Variants in CTR9 observed in about 807,000 individuals in gnomAD.
CTR9 encodes the protein CTR9 component of Paf1/RNA polymerase II complex.
CTR9 carries 41 observed loss-of-function variants against 152.1 expected under a neutral mutation model. That is an observed-to-expected ratio of 0.27 (90% CI 0.21 to 0.35). The LOEUF (loss-of-function observed/expected upper bound fraction) is 0.35. CTR9 is among the 10% of genes least tolerant of loss of function. CTR9 has a pLI of 1.00. For missense variants in CTR9, 917 were observed against 1,424.4 expected, an observed-to-expected ratio of 0.64 and a Z score of 5.73; for synonymous variants, 476 against 496.2, an observed-to-expected ratio of 0.96 and a Z score of 0.54.
intron 3 of CTR9, 107 bp from the exon 4 acceptor site, chr11:10,755,570 TA>T: frequency 3.1e-6 from 2 of 647,850 alleles, no homozygotes; most frequent in Non-Finnish European, 2.7e-6. Context: ...TTACATTTGA[TA>T]GGGGAATTTG....
chr11:10,768,531 A>T, intron 16 of CTR9, 40 bp downstream of exon 16: 1 of 1,559,798 alleles, frequency 6.4e-7, no homozygotes, highest in Non-Finnish European at 8.6e-7. Context: ...TATCTTGTTC[A>T]TTGTTAAGCA....
At chr11:10,774,308 T>A in intron 22 of CTR9, 139 bp downstream of exon 22, 1 of 1,035,358 alleles carries the variant, frequency 9.7e-7, no homozygotes, top group Non-Finnish European at 1.4e-6. Flanking sequence ...CTTCCTACTT[T>A]AATCCTAAGA....
Position 10,771,553 on chromosome 11 carries a change from G to C in CTR9, c.2381G>C (p.Ser794Thr). Residue 794 changes from serine (S) to threonine (T), a missense_variant, in exon 19 of 25, where the codon AGT becomes ACT. By Grantham distance (58) the Ser-to-Thr change is moderately conservative. This residue lies in a region of CTR9 where 106 missense variants were observed against 157.8 expected (regional missense o/e 0.67). Coordinates refer to ENST00000361367, the MANE Select transcript of CTR9 (RefSeq NM_014633.5). ...TTTCTCGTTTCATTTAGATACTTCA[G>C]TTATTTGAGTAAAGTGGGAGATAAA... ...KELELAHRYFSYLSKVGDKMR... is the reference protein window; with the variant it reads ...KELELAHRYFTYLSKVGDKMR... 6.2e-7 allele frequency: 1 copy of C among 1,605,636 alleles called. No homozygotes were observed. The highest frequency in any genetic ancestry group is 1.1e-5 in the South Asian group (1 of 90,876).
At position 10,764,623 on chromosome 11, in the gene CTR9, G is replaced by A. The variant is rs755864296; in HGVS notation, c.1489G>A (p.Val497Ile). ...HDEHYYNAIS[V>I]TTSYNLARLY... ...TGAGCATTACTATAACGCCATTTCC[G>A]TTACCACGTCATATAATCTCGCCAG... The change falls in exon 12 of 25, where the codon GTT becomes ATT. Residue 497 changes from valine to isoleucine, a missense_variant. Val to Ile is a conservative substitution (Grantham distance 29). Transcript: ENST00000361367. 11 of 1,613,372 alleles carry A rather than the reference G, an allele frequency of 6.8e-6. No homozygotes were observed. Among genetic ancestry groups the A allele is most frequent in the African/African-American group, 1.3e-5 (1 of 74,890 alleles).
chr11:10,775,065 G>A (rs1863209145), intron 22 of CTR9, 142 bp from the exon 23 acceptor site: 1 of 641,778 alleles, frequency 1.6e-6, no homozygotes, highest in Non-Finnish European at 2.7e-6. Context: ...TATGTCCCCT[G>A]CCCTTGAGGA....
intron 5 of CTR9, among the ~76,000 whole-genome samples, chr11:10,757,738 C>G (rs1248467942): frequency 2.0e-5 from 3 of 152,136 alleles, no homozygotes; most frequent in Non-Finnish European, 4.4e-5. Flanking sequence ...ACCAAAGAGA[C>G]AAAAGTTCCT....
chr11:10,769,046 C>A (rs987062547), intron 16 of CTR9, among the ~76,000 whole-genome samples: 1 of 152,006 alleles, frequency 6.6e-6, no homozygotes, highest in Non-Finnish European at 1.5e-5. Context: ...CATGGTGAAA[C>A]CCTGTCTCTA....
At position 10,755,155 on chromosome 11, in the gene CTR9, CTTG is replaced by C; in HGVS notation, c.347_349del (p.Leu116del). ...AAAAGGATCTTATTACACAGGCCACCTTGTTGTATACAATGGCCGATAAAATTA... is the reference window on the plus strand; with the variant it reads ...AAAAGGATCTTATTACACAGGCCACCTTGTATACAATGGCCGATAAAATTA... On this transcript the variant is annotated inframe_deletion, in exon 3 of 25. Transcript: ENST00000361367. 1 of 1,613,448 alleles carries C rather than the reference CTTG, an allele frequency of 6.2e-7. No homozygotes were observed. The highest frequency in any genetic ancestry group is 8.5e-7 in the Non-Finnish European group (1 of 1,179,576).
chr11:10,763,858 A>G lies in CTR9; in HGVS notation c.1173A>G (p.Gln391=). ...CTCTCTATGCTGCCTCAGAAGATCA[A>G]GAAAAACGAGATATTGCCAAGGTAC... ...LGSLYAASED[Q]EKRDIAKGHL... Residue 391 remains glutamine (Q), a synonymous_variant, in exon 9 of 25, where the codon CAA becomes CAG. Coordinates refer to ENST00000361367, the MANE Select transcript of CTR9 (RefSeq NM_014633.5). 6.2e-7 allele frequency: 1 copy of G among 1,606,392 alleles called. No individual in the cohort carries two copies. Among genetic ancestry groups the G allele is most frequent in the Non-Finnish European group, 8.5e-7 (1 of 1,177,828 alleles).
chr11:10,771,507 C>CT (rs1280191327), intron 18 of CTR9, 38 bp from the exon 19 acceptor site: 3 of 1,413,998 alleles, frequency 2.1e-6, no homozygotes, highest in Non-Finnish European at 2.0e-6. Flanking sequence ...ATTAGAATCT[C>CT]TTTTTTTAAA....
Position 10,768,476 on chromosome 11 carries a change from C to T in CTR9, c.2094C>T (p.Ile698=). The T allele has an allele frequency of 1.2e-6, 2 of 1,603,598 alleles. No homozygotes were observed. Among genetic ancestry groups the T allele is most frequent in the Non-Finnish European group, 1.7e-6 (2 of 1,176,792 alleles). ...AHIYVEQKQY[I]SAVQMYENCL... ...TCTATGTGGAGCAAAAGCAGTACAT[C>T]AGCGCCGTTCAGATGGTAATAGCTT... The change falls in exon 16 of 25, where the codon ATC becomes ATT. Residue 698 remains isoleucine (I), a synonymous_variant. Coordinates refer to ENST00000361367, the MANE Select transcript of CTR9 (RefSeq NM_014633.5).
chr11:10,772,975 CG>C (rs1346247854), intron 20 of CTR9, 151 bp from the exon 21 acceptor site: 2 of 870,688 alleles, frequency 2.3e-6, no homozygotes, highest in Non-Finnish European at 1.7e-6. Flanking sequence ...TGTAGTGAGC[CG>C]AGATTGCACC....
chr11:10,758,813 C>G (rs1159533420), intron 5 of CTR9, among the ~76,000 whole-genome samples: 1 of 152,000 alleles, frequency 6.6e-6, no homozygotes, highest in African/African-American at 2.4e-5. Context: ...CAATTTGTAA[C>G]CAATCAAATT....
chr11:10,761,814 TAAG>T (rs1025942450), intron 6 of CTR9, 130 bp from the exon 7 acceptor site: 28 of 516,176 alleles, frequency 5.4e-5, no homozygotes, highest in South Asian at 1.7e-4. Flanking sequence ...TTTAAAATCA[TAAG>T]AAGCTTCTAA....
chr11:10,770,830 A>T (rs1053279769), intron 18 of CTR9, among the ~76,000 whole-genome samples, 198 bp downstream of exon 18: 1 of 152,230 alleles, frequency 6.6e-6, no homozygotes, highest in Non-Finnish European at 1.5e-5. Context: ...AGCTGCCACC[A>T]GGTGGTGCCA....
rs759194804 is a variant in CTR9 at position 10,763,884 on chromosome 11, A to G, written c.1194+5A>G. 1.9e-6 allele frequency: 3 copies of G among 1,587,360 alleles called. No homozygotes were observed. The highest frequency in any genetic ancestry group is 2.7e-5 in the African/African-American group (2 of 73,484). On this transcript the variant is annotated splice_donor_5th_base_variant and intron_variant, in intron 9 of 24. Coordinates refer to ENST00000361367, the MANE Select transcript of CTR9 (RefSeq NM_014633.5). Reference sequence around the variant, plus strand: ...GAAAAACGAGATATTGCCAAGGTACATCTTTTTTTTAAAGTCTTAGCTGTT... The same window carrying G: ...GAAAAACGAGATATTGCCAAGGTACGTCTTTTTTTTAAAGTCTTAGCTGTT...
At chr11:10,760,735 A>G (rs891446847) in intron 6 of CTR9, among the ~76,000 whole-genome samples, 4 of 152,238 alleles carry the variant, frequency 2.6e-5, no homozygotes, top group Admixed American at 6.5e-5. Context: ...TGCCTTAAAC[A>G]TAAGGGCTTT....
intron 6 of CTR9, among the ~76,000 whole-genome samples, chr11:10,761,708 G>C (rs1352933096): frequency 6.6e-6 from 1 of 152,038 alleles, no homozygotes; most frequent in African/African-American, 2.4e-5. Flanking sequence ...TAAGTCTCAA[G>C]CAAGAACTGA....
rs187571470 is a variant in CTR9 at position 10,775,179 on chromosome 11, A to G, written c.2886-28A>G. 14 of 1,572,904 alleles carry G rather than the reference A, an allele frequency of 8.9e-6. 1 individual carries two copies. Among genetic ancestry groups the G allele is most frequent in the East Asian group, 4.5e-5 (2 of 44,670 alleles). ...GAACTTTATAGGTAGGCTCTTGACA[A>G]ACTCTCTCTTGGTGTTCACTATTTA... On this transcript the variant is annotated intron_variant, in intron 22 of 24. Coordinates refer to ENST00000361367, the MANE Select transcript of CTR9 (RefSeq NM_014633.5).
Sources: allele counts gnomAD v4.1 joint callset (sites outside exome capture counted in the v4.1 genomes callset), GRCh38; gene constraint gnomAD v4.1.1; regional missense constraint gnomAD v4.1.1; transcripts MANE v1.5; gene names NCBI Gene and HGNC (gene_info 2026-07-23, HGNC 2026-07-21).